The following B3GALT5 variants were observed in gnomAD, a reference collection of about 807,000 sequenced individuals.
The protein encoded by B3GALT5 is UDP-Gal:betaGlcNAc beta 1,3-galactosyltransferase, polypeptide 5.
For missense variants in B3GALT5, 328 were observed against 396.6 expected (o/e 0.83, Z 1.47); for synonymous variants, 156 against 158.6 (o/e 0.98, Z 0.12).
At chr21:39,647,485 T>C (rs1439725485) in intron 2 of B3GALT5, among the ~76,000 whole-genome samples, 1 of 152,128 alleles carries the variant, frequency 6.6e-6, no homozygotes, top group African/African-American at 2.4e-5. Flanking sequence ...ATTACAGGTG[T>C]GTGCCACCAT....
At position 39,632,895 on chromosome 21, in the gene B3GALT5, G is replaced by A. The variant is rs371346294; in HGVS notation, c.-391-13497G>A. On this transcript the variant is annotated intron_variant, in intron 1 of 3. Transcript: ENST00000684187. ...GTTATGCACTCTATCCAGTTTATATGTTTCAGATGATTTATTCAACAAACC... is the reference window on the plus strand; with the variant it reads ...GTTATGCACTCTATCCAGTTTATATATTTCAGATGATTTATTCAACAAACC... Among the ~76,000 whole-genome samples, 9 of 152,258 alleles carry A rather than the reference G, an allele frequency of 5.9e-5. No homozygotes were observed. The East Asian group carries it at 1.5e-3, about 26-fold the overall frequency.
chr21:39,645,468 G>T (rs1286744503), intron 1 of B3GALT5, among the ~76,000 whole-genome samples: 1 of 152,174 alleles, frequency 6.6e-6, no homozygotes, highest in Admixed American at 6.5e-5. Context: ...AGGAGGTAGG[G>T]GTTCATGATG....
At chr21:39,638,985 T>G (rs555183744) in intron 1 of B3GALT5, among the ~76,000 whole-genome samples, 1 of 152,320 alleles carries the variant, frequency 6.6e-6, no homozygotes, top group Admixed American at 6.5e-5. Flanking sequence ...CAGTTTCCCG[T>G]GTACAGCTCT....
chr21:39,615,458 T>C (rs895438747), intron 1 of B3GALT5, among the ~76,000 whole-genome samples: 6 of 152,220 alleles, frequency 3.9e-5, no homozygotes, highest in Non-Finnish European at 8.8e-5. Flanking sequence ...CCGGAATTTT[T>C]ATATCTAATT....
At position 39,672,584 on chromosome 21, in the gene B3GALT5, G is replaced by A. The variant is rs1569227924; in HGVS notation, c.*11092G>A. On this transcript the variant is annotated 3_prime_UTR_variant, in exon 4 of 4. Coordinates refer to ENST00000684187, the MANE Select transcript of B3GALT5 (RefSeq NM_001356336.2). ...TTATTTTTAATGAAAATTAAATTAT[G>A]AAAATAATGCACTTAACTAGGTGAG... 6.6e-6 allele frequency: 1 copy of A among 152,106 alleles called. No homozygotes were observed. Among genetic ancestry groups the A allele is most frequent in the Admixed American group, 6.5e-5 (1 of 15,272 alleles). 9.4% of individuals were successfully genotyped at this position (152,106 alleles called of 1,614,324 possible).
At position 39,669,718 on chromosome 21, in the gene B3GALT5, A is replaced by G. The variant is rs555029294; in HGVS notation, c.*8226A>G. Reference sequence around the variant, plus strand: ...ATTTAAGAGGAGGAAACTGAGGGGCAGGTGACTCAGTGACTTCCCCGGGGG... The same window carrying G: ...ATTTAAGAGGAGGAAACTGAGGGGCGGGTGACTCAGTGACTTCCCCGGGGG... On this transcript the variant is annotated 3_prime_UTR_variant, in exon 4 of 4. Transcript: ENST00000684187. 1 of 152,304 alleles carries G rather than the reference A, an allele frequency of 6.6e-6. No homozygotes were observed. The highest frequency in any genetic ancestry group is 1.9e-4 in the East Asian group (1 of 5,176). 9.4% of individuals were successfully genotyped at this position (152,304 alleles called of 1,614,324 possible). A position where few individuals can be genotyped will look rare whatever the true frequency, so the allele number is the denominator to read the frequency against.
chr21:39,615,105 A>G (rs2079100762), intron 1 of B3GALT5, among the ~76,000 whole-genome samples: 1 of 151,724 alleles, frequency 6.6e-6, no homozygotes, highest in African/African-American at 2.4e-5. Flanking sequence ...TTCTCCTCCT[A>G]CTGCTTACTT....
chr21:39,624,847 G>A (rs1367744644), intron 1 of B3GALT5, among the ~76,000 whole-genome samples: 3 of 150,148 alleles, frequency 2.0e-5, no homozygotes, highest in East Asian at 3.9e-4. Flanking sequence ...CGTCCAAGGC[G>A]ATAGTTTTTT....
At chr21:39,659,210 C>T (rs929144376) in intron 2 of B3GALT5, among the ~76,000 whole-genome samples, 2 of 152,324 alleles carry the variant, frequency 1.3e-5, no homozygotes, top group Non-Finnish European at 2.9e-5. Flanking sequence ...GATTGTGCTA[C>T]TGTGCTCCAG....
chr21:39,643,064 A>ATTT (rs541986539), intron 1 of B3GALT5, among the ~76,000 whole-genome samples: 1 of 149,930 alleles, frequency 6.7e-6, no homozygotes, highest in Non-Finnish European at 1.5e-5. Flanking sequence ...AAAAAAAAAA[A>ATTT]TTTTTGTAAA....
At chr21:39,619,500 ATTGATGTAAT>A (rs2079123701) in intron 1 of B3GALT5, among the ~76,000 whole-genome samples, 1 of 152,092 alleles carries the variant, frequency 6.6e-6, no homozygotes, top group Non-Finnish European at 1.5e-5. Flanking sequence ...CAAGTATCTT[ATTGATGTAAT>A]AAGTTTTTAT....
intron 1 of B3GALT5, among the ~76,000 whole-genome samples, chr21:39,638,887 A>G (rs1052649874): frequency 6.6e-6 from 1 of 152,168 alleles, no homozygotes; most frequent in African/African-American, 2.4e-5. Flanking sequence ...CTTCTGTTTC[A>G]TGTTGACACA....
rs2079340876 is a variant in B3GALT5, at chr21:39,646,457, C to T, written c.-326C>T. On this transcript the variant is annotated 5_prime_UTR_variant, in exon 2 of 4. Transcript: ENST00000684187. ...TTCAAGTAAGAAAATGTATCCAAGTCACAAAGAAACATAATTTGGCTTTTG... is the reference window on the plus strand; with the variant it reads ...TTCAAGTAAGAAAATGTATCCAAGTTACAAAGAAACATAATTTGGCTTTTG... 6.6e-6 allele frequency: 1 copy of T among 152,176 alleles called. No homozygotes were observed. The highest frequency in any genetic ancestry group is 1.5e-5 in the Non-Finnish European group (1 of 68,028). The allele number at this position is 152,176 out of a possible 1,614,324, so 9.4% of individuals were successfully genotyped here. A position where few individuals can be genotyped will look rare whatever the true frequency, so the allele number is the denominator to read the frequency against.
intron 2 of B3GALT5, among the ~76,000 whole-genome samples, chr21:39,659,141 G>A (rs1016671115): frequency 1.8e-4 from 27 of 152,132 alleles, no homozygotes; most frequent in African/African-American, 6.0e-4. Context: ...TTGGGAAGCT[G>A]TGACCCAAGT....
rs1355897989 is a variant in B3GALT5 at position 39,659,928 on chromosome 21, T to C, written c.-1+16T>C. The C allele has an allele frequency of 2.0e-6, 2 of 984,024 alleles. No homozygotes were observed. Among genetic ancestry groups the C allele is most frequent in the Non-Finnish European group, 2.4e-6 (2 of 828,700 alleles). The allele number at this position is 984,024 out of a possible 1,614,324, so 61.0% of individuals were successfully genotyped here. On this transcript the variant is annotated intron_variant, in intron 3 of 3. Transcript: ENST00000684187. ...CCAGCAAAAAGTGAGTTATACGCTTTCTTAATGTTATAACGTTACCATGGA... is the reference window on the plus strand; with the variant it reads ...CCAGCAAAAAGTGAGTTATACGCTTCCTTAATGTTATAACGTTACCATGGA...
At chr21:39,617,902 C>G (rs2079114977) in intron 1 of B3GALT5, among the ~76,000 whole-genome samples, 1 of 152,008 alleles carries the variant, frequency 6.6e-6, no homozygotes, top group African/African-American at 2.4e-5. Context: ...AAATGGTAGG[C>G]TGAGGTGGGA....
In B3GALT5 at chr21:39,640,629, C is replaced by T. The variant is rs76419997; in HGVS notation, c.-391-5763C>T. Among the ~76,000 whole-genome samples the T allele has an allele frequency of 6.9e-3, 1,043 of 151,860 alleles. 12 individuals carry two copies. Among genetic ancestry groups the T allele is most frequent in the African/African-American group, 0.023 (953 of 41,390 alleles). On this transcript the variant is annotated intron_variant, in intron 1 of 3. Transcript: ENST00000684187. The stretch of plus-strand genomic sequence containing the variant: ...GTACTGAACTTCAAAACTATGAGGT[C>T]TTGTAAAAATGAATTATTTGATGAT...
At chr21:39,659,356 C>A (rs1468126810) in intron 2 of B3GALT5, among the ~76,000 whole-genome samples, 1 of 152,178 alleles carries the variant, frequency 6.6e-6, no homozygotes, top group African/African-American at 2.4e-5. Flanking sequence ...TTTTAAAGTG[C>A]CGCTATTGTG....
At position 39,660,890 on chromosome 21, in the gene B3GALT5, C is replaced by T. The variant is rs531757919; in HGVS notation, c.331C>T (p.Gln111Ter). ...TGCAGCGGAAACGAAAGAGGTGGAC[C>T]AGGAGAGCCAGCGACACGGGGACAT... Reference protein sequence around the residue: ...SSAAETKEVDQESQRHGDIIQ... With the variant: ...SSAAETKEVD Residue 111 changes from glutamine (Q) to a stop codon, truncating the protein, a stop_gained, in exon 4 of 4, where the codon CAG (glutamine) becomes TAG (stop). Coordinates refer to ENST00000684187, the MANE Select transcript of B3GALT5 (RefSeq NM_001356336.2). LOFTEE classifies it low-confidence loss of function (END_TRUNC). 2 of 1,611,930 alleles carry T rather than the reference C, an allele frequency of 1.2e-6. No homozygotes were observed. The highest frequency in any genetic ancestry group is 1.7e-5 in the Admixed American group (1 of 59,724).
Sources: gnomAD v4.1 joint callset for allele counts (sites outside exome capture counted in the v4.1 genomes callset) on GRCh38, gnomAD v4.1.1 for gene constraint, MANE v1.5 for transcripts, NCBI Gene and HGNC (gene_info 2026-07-23, HGNC 2026-07-21) for gene names.